Variants in PCDH15 observed in about 807,000 individuals in gnomAD.
PCDH15 encodes protocadherin-15.
Under a neutral mutation model 178.5 loss-of-function variants are expected in PCDH15, and 129 were observed. The observed-to-expected ratio is 0.72, with a 90% CI of 0.63 to 0.84. PCDH15 has a LOEUF of 0.84. PCDH15 is among the 40% of genes least tolerant of loss of function. The probability of loss-of-function intolerance (pLI) is 0.00; values close to 1 mark genes in which losing one functional copy is unlikely to be tolerated. For missense variants in PCDH15, 2,230 were observed against 2,099.9 expected (o/e 1.06, Z -1.21); for synonymous variants, 800 against 732.0 (o/e 1.09, Z -1.50).
intron 2 of PCDH15, among the ~76,000 whole-genome samples, chr10:55,422,303 A>G (rs1838641305): frequency 1.3e-5 from 2 of 151,900 alleles, no homozygotes; most frequent in Non-Finnish European, 2.9e-5. Flanking sequence ...TTAACAAAAC[A>G]GAACTATATA....
At chr10:55,051,083 G>A (rs753710710) in intron 2 of PCDH15, among the ~76,000 whole-genome samples, 7 of 152,004 alleles carry the variant, frequency 4.6e-5, no homozygotes, top group Non-Finnish European at 1.0e-4. Context: ...TACTTTGCTT[G>A]AAATCATCTG....
rs140594728 is a variant in PCDH15 at position 55,222,846 on chromosome 10, T to C, written c.-155-56195A>G. 3.1e-3 allele frequency among the ~76,000 whole-genome samples: 472 copies of C among 151,342 alleles called. 9 individuals are homozygous for C. Among genetic ancestry groups the C allele is most frequent in the African/African-American group, 0.011 (438 of 41,074 alleles). On this transcript the variant is annotated intron_variant, in intron 1 of 5. Transcript: ENST00000458638. Reference sequence around the variant, plus strand: ...TAAGTGAGAAATGTCATTCTAAAATTTGGGCATCTTGAATTGAGACCAAAG... The same window carrying C: ...TAAGTGAGAAATGTCATTCTAAAATCTGGGCATCTTGAATTGAGACCAAAG...
chr10:55,226,147 C>T (rs1841031572), intron 1 of PCDH15, among the ~76,000 whole-genome samples: 1 of 152,122 alleles, frequency 6.6e-6, no homozygotes, highest in African/African-American at 2.4e-5. Context: ...TTCTAATCAG[C>T]TTTTTATTAT....
intron 2 of PCDH15, among the ~76,000 whole-genome samples, chr10:54,953,916 A>T (rs1838410197): frequency 6.6e-6 from 1 of 151,434 alleles, no homozygotes; most frequent in African/African-American, 2.4e-5. Context: ...CATTTAAAAA[A>T]TATATTTTCA....
chr10:54,535,519 G>A (rs981559024), intron 2 of PCDH15, among the ~76,000 whole-genome samples: 1 of 151,752 alleles, frequency 6.6e-6, no homozygotes, highest in East Asian at 2.0e-4. Context: ...GACCATCCTG[G>A]CTAACATGGT....
chr10:54,897,487 G>C (rs1954565114), exon 3 of PCDH15: 1 of 152,094 alleles, frequency 6.6e-6, no homozygotes, highest in South Asian at 2.1e-4. Context: ...TTCGAAACAT[G>C]ACAATGCAAA....
chr10:54,826,743 A>C (rs906587272), intron 3 of PCDH15, among the ~76,000 whole-genome samples: 3 of 152,072 alleles, frequency 2.0e-5, no homozygotes, highest in African/African-American at 7.2e-5. Context: ...TACACTAAAA[A>C]TATGAGGATG....
intron 2 of PCDH15, among the ~76,000 whole-genome samples, chr10:55,335,950 T>G (rs1345630152): frequency 6.6e-6 from 1 of 151,978 alleles, no homozygotes; most frequent in East Asian, 1.9e-4. Context: ...ACCCATTTTT[T>G]GTTGATCTGT....
intron 1 of PCDH15, among the ~76,000 whole-genome samples, chr10:55,252,956 A>C (rs1841879630): frequency 6.6e-6 from 1 of 152,184 alleles, no homozygotes. Context: ...AATTTTCTAA[A>C]ACAAAATAAA....
intron 26 of PCDH15, among the ~76,000 whole-genome samples, chr10:53,879,880 G>A (rs547187982): frequency 6.6e-6 from 1 of 152,254 alleles, no homozygotes; most frequent in African/African-American, 2.4e-5. Context: ...TTTAACTCCT[G>A]GCCTCATGTG....
At chr10:53,995,957 G>T (rs986415598) in intron 20 of PCDH15, among the ~76,000 whole-genome samples, 192 bp from the exon 21 acceptor site, 1 of 152,072 alleles carries the variant, frequency 6.6e-6, no homozygotes, top group South Asian at 2.1e-4. Context: ...CAATATTAAT[G>T]TGTGGATATC....
intron 2 of PCDH15, chr10:54,600,490 G>T (rs1217759277): frequency 1.7e-6 from 1 of 576,980 alleles, no homozygotes; most frequent in Non-Finnish European, 3.4e-6. Flanking sequence ...AGATAAAGTG[G>T]TGGTGACCAA....
intron 26 of PCDH15, among the ~76,000 whole-genome samples, chr10:53,894,811 G>A (rs2133541765): frequency 6.6e-6 from 1 of 152,302 alleles, no homozygotes; most frequent in Non-Finnish European, 1.5e-5. Context: ...ATTTATGTGA[G>A]AAGATATCTG....
At chr10:55,198,654 A>ATT (rs570686890) in intron 1 of PCDH15, among the ~76,000 whole-genome samples, 23 of 142,608 alleles carry the variant, frequency 1.6e-4, no homozygotes, top group Admixed American at 4.9e-4. Context: ...CGCCCAGCTA[A>ATT]TTTTTTTTTT....
At chr10:55,258,576 G>A (rs1842064767) in intron 1 of PCDH15, among the ~76,000 whole-genome samples, 1 of 152,106 alleles carries the variant, frequency 6.6e-6, no homozygotes, top group Non-Finnish European at 1.5e-5. Context: ...CAAGAATTGA[G>A]GTTGCTGCAG....
At chr10:54,506,622 CAGA>C (rs2081191918) in intron 3 of PCDH15, among the ~76,000 whole-genome samples, 2 of 152,048 alleles carry the variant, frequency 1.3e-5, no homozygotes, top group East Asian at 1.9e-4. Flanking sequence ...AATAACAAAG[CAGA>C]AGGACTCCTA....
intron 3 of PCDH15, among the ~76,000 whole-genome samples, chr10:54,890,534 A>G (rs1479773117): frequency 1.3e-5 from 2 of 152,000 alleles, no homozygotes; most frequent in Non-Finnish European, 2.9e-5. Flanking sequence ...GAATGGGGAA[A>G]ACATTAGAGA....
intron 2 of PCDH15, among the ~76,000 whole-genome samples, chr10:54,976,506 A>G (rs1839075527): frequency 6.6e-6 from 1 of 152,148 alleles, no homozygotes; most frequent in Middle Eastern, 3.2e-3. Flanking sequence ...TGGAATACTA[A>G]GGGTGTGGAA....
At chr10:54,800,623 C>A (rs895557545) in intron 1 of PCDH15, among the ~76,000 whole-genome samples, 9 of 152,138 alleles carry the variant, frequency 5.9e-5, no homozygotes, top group Non-Finnish European at 1.3e-4. Flanking sequence ...ACTAAAAATT[C>A]TTTTAAATAA....
Sources: gnomAD v4.1 joint callset for allele counts (sites outside exome capture counted in the v4.1 genomes callset) on GRCh38, gnomAD v4.1.1 for gene constraint, MANE v1.5 for transcripts, NCBI Gene and HGNC (gene_info 2026-07-23, HGNC 2026-07-21) for gene names.